NWD1: variants seen among roughly 807,000 people sequenced by gnomAD.
The protein encoded by NWD1 is NACHT and WD repeat domain containing 1, also known as NACHT domain- and WD repeat-containing protein 1.
Under a neutral mutation model 135.1 loss-of-function variants are expected in NWD1, and 129 were observed. The ratio of observed to expected loss-of-function variants is 0.96; its 90% confidence interval spans 0.83 to 1.11. The LOEUF is 1.11. NWD1 is among the 50% of genes least tolerant of loss of function. The pLI is 0.00. For missense variants in NWD1, 1,740 were observed against 1,851.3 expected (o/e 0.94, Z 1.10); for synonymous variants, 773 against 786.0 (o/e 0.98, Z 0.28).
At chr19:16,743,571 C>A (rs1433695340) in intron 4 of NWD1, among the ~76,000 whole-genome samples, 1 of 152,126 alleles carries the variant, frequency 6.6e-6, no homozygotes, top group Non-Finnish European at 1.5e-5. Context: ...GGGCGGTCAA[C>A]TTCACCTCCA....
chr19:16,794,049 A>G (rs62119292), intron 14 of NWD1, among the ~76,000 whole-genome samples: 34,857 of 152,124 alleles, frequency 0.23, 4,518 homozygotes, highest in Middle Eastern at 0.44. Context: ...GTGTACCACC[A>G]TGCCCAGCTA....
rs1413657457 is a variant in NWD1 at position 16,815,240 on chromosome 19, G to A, written c.*201G>A. 1.3e-6 allele frequency: 1 copy of A among 784,694 alleles called. No homozygotes were observed. Among genetic ancestry groups the A allele is most frequent in the South Asian group, 1.3e-5 (1 of 74,696 alleles). 48.6% of individuals were successfully genotyped at this position (784,694 alleles called of 1,614,324 possible). A position where few individuals can be genotyped will look rare whatever the true frequency, so the allele number is the denominator to read the frequency against. On this transcript the variant is annotated 3_prime_UTR_variant, in exon 19 of 19. Transcript: ENST00000524140. The stretch of plus-strand genomic sequence containing the variant: ...GCAGAGAGAGGAGCTAGTTGCAGCT[G>A]CAGGAGCTCCCCAGGACTTGGAGTC...
At chr19:16,721,645 CCGGGCTGGGTTTATGGGGG>C (rs1184433007) in intron 1 of NWD1, 2 of 151,374 alleles carry the variant, frequency 1.3e-5, no homozygotes, top group Non-Finnish European at 1.5e-5. Context: ...GGCTGGGGGG[CCGGGCTGGGTTTATGGGGG>C]CGGGGTCCGT....
In NWD1 at chr19:16,817,638, T is replaced by C. The variant is rs1971102959; in HGVS notation, c.*2599T>C. On this transcript the variant is annotated 3_prime_UTR_variant, in exon 19 of 19. Coordinates refer to ENST00000524140, the MANE Select transcript of NWD1 (RefSeq NM_001007525.5). Reference sequence around the variant, plus strand: ...AAAAAAGTAATGGCAAAAACCACAATTAATTTTGCATCAACCTAATAATTT... The same window carrying C: ...AAAAAAGTAATGGCAAAAACCACAACTAATTTTGCATCAACCTAATAATTT... 6.6e-6 allele frequency: 1 copy of C among 150,554 alleles called. No homozygotes were observed. The highest frequency in any genetic ancestry group is 2.4e-5 in the African/African-American group (1 of 41,014). The allele number at this position is 150,554 out of a possible 1,614,324, so 9.3% of individuals were successfully genotyped here.
chr19:16,782,158 G>T (rs1184856790), intron 12 of NWD1, among the ~76,000 whole-genome samples: 1 of 150,822 alleles, frequency 6.6e-6, no homozygotes, highest in African/African-American at 2.4e-5. Context: ...AAGAAAACAG[G>T]TTGGGCATTT....
intron 12 of NWD1, among the ~76,000 whole-genome samples, chr19:16,786,509 A>G (rs544326518): frequency 2.1e-4 from 32 of 151,734 alleles, no homozygotes; most frequent in Non-Finnish European, 4.6e-4. Context: ...TCCCCATTCC[A>G]GTAGTCCCCA....
chr19:16,746,444 G>A (rs1968319739), intron 5 of NWD1, among the ~76,000 whole-genome samples: 1 of 152,110 alleles, frequency 6.6e-6, no homozygotes, highest in Admixed American at 6.6e-5. Context: ...GAAGGCTGAG[G>A]CAGACGGATC....
At chr19:16,809,682 G>T (rs950414258) in intron 18 of NWD1, among the ~76,000 whole-genome samples, 1 of 151,556 alleles carries the variant, frequency 6.6e-6, no homozygotes, top group African/African-American at 2.4e-5. Flanking sequence ...AGCCTCCCGA[G>T]TAGCTGGGAC....
rs965098526 is a variant in NWD1, at chr19:16,760,104, G to A, written c.1973+676G>A. Among the ~76,000 whole-genome samples, 17 of 152,014 alleles carry A rather than the reference G, an allele frequency of 1.1e-4. 1 individual carries two copies. The highest frequency in any genetic ancestry group is 1.0e-3 in the South Asian group (5 of 4,826). ...CAGGAGTTTGAGGCCACACTGAGCC[G>A]TGACTGTACCACTGCACTCCAGTCT... On this transcript the variant is annotated intron_variant, in intron 7 of 18. Coordinates refer to ENST00000524140, the MANE Select transcript of NWD1 (RefSeq NM_001007525.5).
intron 17 of NWD1, among the ~76,000 whole-genome samples, chr19:16,803,916 C>A (rs941240570): frequency 1.3e-5 from 2 of 151,222 alleles, no homozygotes; most frequent in Non-Finnish European, 2.9e-5. Flanking sequence ...CAGAGTGAGA[C>A]TCCACCACCC....
chr19:16,757,599 CA>C (rs1968846398), intron 6 of NWD1, among the ~76,000 whole-genome samples: 1 of 152,174 alleles, frequency 6.6e-6, no homozygotes, highest in South Asian at 2.1e-4. Flanking sequence ...CCCTGTTTTG[CA>C]ATTCAGGCTA....
At position 16,749,414 on chromosome 19, in the gene NWD1, C is replaced by T; in HGVS notation, c.772C>T (p.His258Tyr). ...RDLVNPKNKT[H>Y]ACYLKELGEQ... ...CTTGGTGAACCCCAAGAACAAGACT[C>T]ACGCCTGCTACCTGAAGGAGCTGGG... The change falls in exon 6 of 19, where the codon CAC becomes TAC. Residue 258 changes from histidine (H) to tyrosine (Y), a missense_variant. By Grantham distance (83) the His-to-Tyr change is moderately conservative. Transcript: ENST00000524140. 1 of 1,613,988 alleles carries T rather than the reference C, an allele frequency of 6.2e-7. No homozygotes were observed. The highest frequency in any genetic ancestry group is 8.5e-7 in the Non-Finnish European group (1 of 1,179,896).
Position 16,815,829 on chromosome 19 carries a change from A to G in NWD1, c.*790A>G, listed in dbSNP as rs552211661. On this transcript the variant is annotated 3_prime_UTR_variant, in exon 19 of 19. Transcript: ENST00000524140. ...ACAGCAAATCACTGATGTGGACCAC[A>G]GAACCTCACAGTTTATAAAGCTGTA... 6.5e-6 allele frequency: 1 copy of G among 154,580 alleles called. No homozygotes were observed. The highest frequency in any genetic ancestry group is 1.9e-4 in the East Asian group (1 of 5,232). The allele number at this position is 154,580 out of a possible 1,614,324, so 9.6% of individuals were successfully genotyped here.
chr19:16,764,486 T>C (rs1969145599), intron 9 of NWD1, among the ~76,000 whole-genome samples: 1 of 151,870 alleles, frequency 6.6e-6, no homozygotes, highest in Non-Finnish European at 1.5e-5. Flanking sequence ...CATCCATCCA[T>C]CCATCCACTC....
chr19:16,792,876 CAAAAAAA>C (rs1189102088), intron 14 of NWD1, among the ~76,000 whole-genome samples: 1 of 51,880 alleles, frequency 1.9e-5, no homozygotes, highest in Non-Finnish European at 4.2e-5. Context: ...AACTCCATCT[CAAAAAAA>C]AAAAAAAAAA....
chr19:16,784,941 A>C (rs1282411200), intron 12 of NWD1, among the ~76,000 whole-genome samples: 2 of 151,834 alleles, frequency 1.3e-5, no homozygotes, highest in Non-Finnish European at 1.5e-5. Context: ...CCAAAAAAAA[A>C]AACAACAAAA....
chr19:16,724,972 G>A (rs1176011722), intron 2 of NWD1, among the ~76,000 whole-genome samples: 2 of 151,764 alleles, frequency 1.3e-5, no homozygotes, highest in Non-Finnish European at 2.9e-5. Context: ...GGGATTACAG[G>A]CGTGAGCCAC....
intron 5 of NWD1, among the ~76,000 whole-genome samples, chr19:16,746,473 G>T (rs1042425027): frequency 6.6e-6 from 1 of 152,032 alleles, no homozygotes; most frequent in Non-Finnish European, 1.5e-5. Context: ...AGGAGTTCAA[G>T]ACCAGCCTGG....
At chr19:16,743,773 C>G (rs1336663743) in intron 4 of NWD1, among the ~76,000 whole-genome samples, 1 of 152,054 alleles carries the variant, frequency 6.6e-6, no homozygotes, top group African/African-American at 2.4e-5. Flanking sequence ...ACCTCCCTCT[C>G]CCGGGTTCAA....
Sources: allele counts gnomAD v4.1 joint callset (sites outside exome capture counted in the v4.1 genomes callset), GRCh38; gene constraint gnomAD v4.1.1; transcripts MANE v1.5; gene names NCBI Gene and HGNC (gene_info 2026-07-23, HGNC 2026-07-21).